ITGAM: variants seen among roughly 807,000 people sequenced by gnomAD.
ITGAM encodes integrin alpha-M.
ITGAM carries 79 observed loss-of-function variants against 137.5 expected under a neutral mutation model. That is an observed-to-expected ratio of 0.57 (90% CI 0.48 to 0.69). The LOEUF is 0.69. Among genes scored for constraint, ITGAM ranks in the 30% least tolerant of loss-of-function variants. The pLI, the probability that ITGAM is intolerant of heterozygous loss-of-function variation, is 0.00. For missense variants in ITGAM, 1,343 were observed against 1,483.5 expected, an observed-to-expected ratio of 0.91 and a Z score of 1.56; for synonymous variants, 583 against 592.3, an observed-to-expected ratio of 0.98 and a Z score of 0.23.
Position 31,331,174 on chromosome 16 carries a change from A to G in ITGAM, c.3286A>G (p.Lys1096Glu). 6.2e-7 allele frequency: 1 copy of G among 1,606,904 alleles called. No homozygotes were observed. Among genetic ancestry groups the G allele is most frequent in the Non-Finnish European group, 8.5e-7 (1 of 1,174,218 alleles). The change falls in exon 29 of 30, where the codon AAA becomes GAA. Residue 1096 changes from lysine to glutamate, a missense_variant. By Grantham distance (56) the Lys-to-Glu change is moderately conservative. Coordinates refer to ENST00000544665, the MANE Select transcript of ITGAM (RefSeq NM_000632.4). Reference sequence around the variant, plus strand: ...CTCCTTCCTCCCCCAGACGGAGACCAAAGTGGAGCCGTTCGAGGTCCCCAA... The same window carrying G: ...CTCCTTCCTCCCCCAGACGGAGACCGAAGTGGAGCCGTTCGAGGTCCCCAA... Reference protein sequence around the residue: ...GAFVRSQTETKVEPFEVPNPL... With the variant: ...GAFVRSQTETEVEPFEVPNPL...
chr16:31,330,213 C>A, intron 26 of ITGAM, 49 bp downstream of exon 26: 1 of 1,599,182 alleles, frequency 6.3e-7, no homozygotes, highest in Non-Finnish European at 8.6e-7. Context: ...CAGAGCGCTT[C>A]CCTGCTGGAA....
At chr16:31,330,744 G>A (rs768119073) in intron 28 of ITGAM, 139 bp downstream of exon 28, 16 of 647,052 alleles carry the variant, frequency 2.5e-5, no homozygotes, top group African/African-American at 3.7e-5. Context: ...ATACAGAGAC[G>A]TAAGGAGAGA....
At chr16:31,310,446 C>T (rs992497319) in intron 14 of ITGAM, among the ~76,000 whole-genome samples, 8 of 152,222 alleles carry the variant, frequency 5.3e-5, no homozygotes, top group South Asian at 2.1e-4. Flanking sequence ...TCATTCATTT[C>T]GTCTTCCATC....
At chr16:31,310,593 C>T (rs557916590) in intron 14 of ITGAM, among the ~76,000 whole-genome samples, 42 of 152,110 alleles carry the variant, frequency 2.8e-4, no homozygotes, top group Non-Finnish European at 4.6e-4. Flanking sequence ...GTTATCCATT[C>T]GTCTAATTTT....
chr16:31,302,917 CCTCTTTCTTTCT>C (rs2080223902), intron 14 of ITGAM, among the ~76,000 whole-genome samples: 1 of 126,452 alleles, frequency 7.9e-6, no homozygotes, highest in South Asian at 2.6e-4. Flanking sequence ...TCTTTCCCTC[CCTCTTTCTTTCT>C]TTCTTTCTTT....
At chr16:31,265,524 G>T (rs1253984925) in intron 3 of ITGAM, 26 bp downstream of exon 3, 1 of 1,478,908 alleles carries the variant, frequency 6.8e-7, no homozygotes, top group Non-Finnish European at 9.3e-7. Context: ...GCCGGGCTGG[G>T]ACTGGGATTC....
chr16:31,313,086 C>T (rs1266613966), intron 14 of ITGAM, among the ~76,000 whole-genome samples: 7 of 151,864 alleles, frequency 4.6e-5, no homozygotes, highest in African/African-American at 1.5e-4. Context: ...GGCTTGGTGG[C>T]GTGTGCCTGT....
intron 12 of ITGAM, among the ~76,000 whole-genome samples, chr16:31,290,524 A>G (rs974291871): frequency 2.0e-5 from 3 of 152,208 alleles, no homozygotes; most frequent in Non-Finnish European, 2.9e-5. Flanking sequence ...ATTTGACAAC[A>G]TACAACATCG....
At chr16:31,289,836 C>G (rs1180256978) in intron 12 of ITGAM, among the ~76,000 whole-genome samples, 4 of 152,110 alleles carry the variant, frequency 2.6e-5, no homozygotes, top group Non-Finnish European at 5.9e-5. Context: ...AATCCCAGCA[C>G]TTTGGGAGGC....
intron 14 of ITGAM, among the ~76,000 whole-genome samples, chr16:31,302,921 T>C (rs1158045544): frequency 1.2e-3 from 7 of 6,056 alleles, no homozygotes; most frequent in African/African-American, 4.4e-3. Flanking sequence ...TCCCTCCCTC[T>C]TTCTTTCTTT....
intron 9 of ITGAM, 69 bp downstream of exon 9, chr16:31,275,768 C>A: frequency 6.5e-7 from 1 of 1,534,132 alleles, no homozygotes; most frequent in Non-Finnish European, 8.9e-7. Context: ...ATAGTCCCCT[C>A]TAGAATCCAG....
Position 31,325,398 on chromosome 16 carries a change from G to A in ITGAM, c.2499G>A (p.Thr833=), listed in dbSNP as rs1143682. The change falls in exon 20 of 30, where the codon ACG becomes ACA. Residue 833 remains threonine (T), a synonymous_variant. Transcript: ENST00000544665. ...ACCTGTCCTACCGGAAGGTGTCCAC[G>A]CTCCAGGTAGCCACATCCTTCTCAG... ...PLDLSYRKVS[T]LQNQRSQRSW... 0.35 allele frequency: 567,231 copies of A among 1,612,436 alleles called. 107,890 individuals carry two copies. Among genetic ancestry groups the A allele is most frequent in the East Asian group, 0.75 (33,531 of 44,852 alleles).
intron 14 of ITGAM, among the ~76,000 whole-genome samples, chr16:31,302,926 T>C (rs866909286): frequency 2.3e-4 from 3 of 13,020 alleles, no homozygotes; most frequent in African/African-American, 8.7e-4. Flanking sequence ...CCCTCTTTCT[T>C]TCTTTCTTTC....
chr16:31,315,504 C>G (rs900049613), intron 14 of ITGAM, among the ~76,000 whole-genome samples: 3 of 152,068 alleles, frequency 2.0e-5, no homozygotes, highest in African/African-American at 7.2e-5. Flanking sequence ...ATTGCCCAGG[C>G]TGGAGTGCAG....
rs138080416 is a variant in ITGAM, at chr16:31,300,965, A to G, written c.1707+3011A>G. Reference sequence around the variant, plus strand: ...TGCTATTGAGTTGTATGAGTTCACTATATATTTTGGAGATTAACCCCTTAT... The same window carrying G: ...TGCTATTGAGTTGTATGAGTTCACTGTATATTTTGGAGATTAACCCCTTAT... On this transcript the variant is annotated intron_variant, in intron 14 of 29. Coordinates refer to ENST00000544665, the MANE Select transcript of ITGAM (RefSeq NM_000632.4). Among the ~76,000 whole-genome samples, 1,479 of 152,242 alleles carry G rather than the reference A, an allele frequency of 9.7e-3. 41 individuals carry two copies. Among genetic ancestry groups the G allele is most frequent in the Admixed American group, 0.048 (731 of 15,288 alleles).
In ITGAM at chr16:31,331,947, AAGT is replaced by A; in HGVS notation, c.*242_*244del. The A allele has an allele frequency of 1.8e-6, 1 of 553,070 alleles. No individual in the cohort carries two copies. The highest frequency in any genetic ancestry group is 3.2e-6 in the Non-Finnish European group (1 of 312,676). The allele number at this position is 553,070 out of a possible 1,614,324, so 34.3% of individuals were successfully genotyped here. ...TGCACGCCCATGTGTGAGTGTGTGC[AAGT>A]ATGTGAGTGTGTCCAAGTGTGTGTG... On this transcript the variant is annotated 3_prime_UTR_variant, in exon 30 of 30. Transcript: ENST00000544665.
At chr16:31,291,211 A>G (rs2080083748) in intron 12 of ITGAM, among the ~76,000 whole-genome samples, 1 of 152,202 alleles carries the variant, frequency 6.6e-6, no homozygotes, top group South Asian at 2.1e-4. Flanking sequence ...GTGCACATGT[A>G]CCACATTTTC....
At chr16:31,290,756 GA>G (rs934484212) in intron 12 of ITGAM, among the ~76,000 whole-genome samples, 24 of 148,962 alleles carry the variant, frequency 1.6e-4, no homozygotes, top group African/African-American at 3.9e-4. Flanking sequence ...GGAAAAAGAA[GA>G]AAAAAAAATA....
chr16:31,330,043 T>A, intron 25 of ITGAM, 38 bp from the exon 26 acceptor site: 1 of 1,599,104 alleles, frequency 6.3e-7, no homozygotes, highest in Non-Finnish European at 8.5e-7. Context: ...CCCTGGCGCC[T>A]TCATCTCTGC....
Sources: gnomAD v4.1 joint callset for allele counts (sites outside exome capture counted in the v4.1 genomes callset) on GRCh38, gnomAD v4.1.1 for gene constraint, MANE v1.5 for transcripts, NCBI Gene and HGNC (gene_info 2026-07-23, HGNC 2026-07-21) for gene names.